The following GPATCH3 variants were observed in gnomAD, a reference collection of about 807,000 sequenced individuals.
GPATCH3 encodes the protein G patch domain-containing protein 3.
GPATCH3 carries 45 observed loss-of-function variants against 53.2 expected under a neutral mutation model. The observed-to-expected ratio is 0.85, with a 90% CI of 0.67 to 1.08. GPATCH3 has a LOEUF of 1.08. Ranked by LOEUF, GPATCH3 falls within the 50% of genes least tolerant of loss-of-function variation. GPATCH3 has a pLI of 0.00. For missense variants in GPATCH3, 680 were observed against 687.2 expected (o/e 0.99, Z 0.12); for synonymous variants, 280 against 270.6 (o/e 1.03, Z -0.34).
rs374969006 is a variant in GPATCH3, at chr1:26,900,000, T to A, written c.443A>T (p.Glu148Val). The change falls in exon 1 of 7, where the codon GAG becomes GTG. Residue 148 changes from glutamate (E) to valine (V), a missense_variant. Coordinates refer to ENST00000361720, the MANE Select transcript of GPATCH3 (RefSeq NM_022078.3). The stretch of plus-strand genomic sequence containing the variant: ...AACTTTCTCACTCTTACCTGATGCC[T>A]CCGTAGGTAGCCGAAGTCTGCGGAT... ...CLIRRLRLPT[E>V]ASGLGSFPFK... The A allele has an allele frequency of 3.1e-6, 5 of 1,613,970 alleles. No individual in the cohort carries two copies. The African/African-American group carries it at 6.7e-5, about 22-fold the overall frequency.
intron 4 of GPATCH3, 146 bp downstream of exon 4, chr1:26,893,243 G>T (rs2081936317): frequency 2.7e-6 from 2 of 738,162 alleles, no homozygotes; most frequent in Non-Finnish European, 5.0e-6. Flanking sequence ...CACAACCAAA[G>T]ATGTTTTAAG....
chr1:26,891,312 A>C (rs1304734505), intron 6 of GPATCH3, 86 bp from the exon 7 acceptor site: 5 of 1,012,678 alleles, frequency 4.9e-6, no homozygotes, highest in Non-Finnish European at 7.3e-6. Context: ...TAGTTACTAC[A>C]TATCTGGTTT....
intron 1 of GPATCH3, among the ~76,000 whole-genome samples, chr1:26,898,667 TC>T (rs1386781539): frequency 1.3e-5 from 2 of 151,368 alleles, no homozygotes; most frequent in African/African-American, 4.8e-5. Context: ...TTCTTTTTTT[TC>T]TTCTTTTTTT....
At chr1:26,893,286 C>T (rs952974749) in intron 4 of GPATCH3, 103 bp downstream of exon 4, 21 of 933,852 alleles carry the variant, frequency 2.2e-5, no homozygotes, top group East Asian at 7.2e-5. Flanking sequence ...CCCAAGGGAA[C>T]GGGAACGGTA....
At chr1:26,895,701 G>C (rs968184450) in intron 2 of GPATCH3, among the ~76,000 whole-genome samples, 4 of 147,492 alleles carry the variant, frequency 2.7e-5, no homozygotes, top group Non-Finnish European at 6.0e-5. Flanking sequence ...GCAGTGGTGC[G>C]ATCTCAGCTC....
Position 26,892,700 on chromosome 1 carries a change from G to A in GPATCH3, c.1203C>T (p.Arg401=). 1 of 1,614,178 alleles carries A rather than the reference G, an allele frequency of 6.2e-7. No homozygotes were observed. The highest frequency in any genetic ancestry group is 2.2e-5 in the East Asian group (1 of 44,884). Residue 401 remains arginine, a synonymous_variant, in exon 5 of 7, where the codon CGC becomes CGT. Transcript: ENST00000361720. Reference sequence around the variant, plus strand: ...TGTGGCGCTCAAAGGTGCCCACCTGGCGTTCGATCACAGAGCCATCTTCCT... The same window carrying A: ...TGTGGCGCTCAAAGGTGCCCACCTGACGTTCGATCACAGAGCCATCTTCCT... The part of the protein sequence containing the change: ...DGQEDGSVIE[R]QVGTFERHTK...
intron 2 of GPATCH3, among the ~76,000 whole-genome samples, chr1:26,896,534 A>G (rs866259493): frequency 9.0e-6 from 1 of 111,698 alleles, no homozygotes; most frequent in Non-Finnish European, 1.9e-5. Flanking sequence ...TACTAAAAAT[A>G]AAAAAAAAAA....
intron 2 of GPATCH3, 46 bp from the exon 3 acceptor site, chr1:26,894,456 G>T: frequency 6.3e-7 from 1 of 1,587,374 alleles, no homozygotes; most frequent in Non-Finnish European, 8.6e-7. Flanking sequence ...CTGACCTCAT[G>T]CCCCGAGGGA....
chr1:26,899,225 C>G (rs2081963965), intron 1 of GPATCH3, among the ~76,000 whole-genome samples: 1 of 152,194 alleles, frequency 6.6e-6, no homozygotes, highest in Non-Finnish European at 1.5e-5. Flanking sequence ...AGCTCTGACA[C>G]TAACTAACTC....
chr1:26,894,341 T>G lies in GPATCH3; in HGVS notation c.946A>C (p.Thr316Pro). ...TCCTCCTCAAAGAGCTGCTCAGTGG[T>G]CCGCTCCTGCCCGGTCACGTCCTCA... Reference protein sequence around the residue: ...LHEDVTGQERTTEQLFEEEIE... With the variant: ...LHEDVTGQERPTEQLFEEEIE... Residue 316 changes from threonine to proline, a missense_variant, in exon 3 of 7, where the codon ACC becomes CCC. Transcript: ENST00000361720. 1 of 1,614,004 alleles carries G rather than the reference T, an allele frequency of 6.2e-7. No individual in the cohort carries two copies. The highest frequency in any genetic ancestry group is 8.5e-7 in the Non-Finnish European group (1 of 1,179,988).
chr1:26,896,801 T>A (rs770108492), intron 2 of GPATCH3, among the ~76,000 whole-genome samples: 3 of 151,446 alleles, frequency 2.0e-5, no homozygotes, highest in Non-Finnish European at 4.4e-5. Context: ...GGCAGGCGGG[T>A]CACGAGGTCA....
intron 4 of GPATCH3, 99 bp from the exon 5 acceptor site, chr1:26,892,890 AAT>A: frequency 7.0e-7 from 1 of 1,435,878 alleles, no homozygotes; most frequent in Admixed American, 1.9e-5. Flanking sequence ...TATTCATTTT[AAT>A]AGTGTTCTGT....
Position 26,894,309 on chromosome 1 carries a change from C to G in GPATCH3, c.978G>C (p.Glu326Asp). Residue 326 changes from glutamate to aspartate, a missense_variant, in exon 3 of 7, where the codon GAG (glutamate) becomes GAC (aspartate). By Grantham distance (45) the Glu-to-Asp change is conservative (BLOSUM62 2). Transcript: ENST00000361720. ...TTEQLFEEEI[E>D]LKWEKGGSGL... ...CAGAGCCACCCTTCTCCCACTTGAG[C>G]TCAATCTCCTCCTCAAAGAGCTGCT... 1 of 1,614,180 alleles carries G rather than the reference C, an allele frequency of 6.2e-7. No individual in the cohort carries two copies. Among genetic ancestry groups the G allele is most frequent in the Non-Finnish European group, 8.5e-7 (1 of 1,180,030 alleles).
In GPATCH3 at chr1:26,892,413, C is replaced by G. The variant is rs948899107; in HGVS notation, c.1359G>C (p.Leu453Phe). 7 of 1,612,206 alleles carry G rather than the reference C, an allele frequency of 4.3e-6. No individual in the cohort carries two copies. The highest frequency in any genetic ancestry group is 5.9e-6 in the Non-Finnish European group (7 of 1,179,092). ...GGAAGTCCCTCAGTCACACTTACCC[C>G]AATCCACGCTTGCATCTGGGGTGTT... The part of the protein sequence containing the change: ...DGQHPRCKRG[L>F]GYHGEKLQPF... Residue 453 changes from leucine (L) to phenylalanine (F), a missense_variant and splice_region_variant, in exon 6 of 7, where the codon TTG becomes TTC. Transcript: ENST00000361720.
intron 6 of GPATCH3, 102 bp downstream of exon 6, chr1:26,892,309 C>T (rs866395847): frequency 1.0e-5 from 14 of 1,394,032 alleles, no homozygotes; most frequent in Admixed American, 3.8e-5. Context: ...AATTTCATCC[C>T]GCACGAGTAC....
chr1:26,898,121 G>A (rs1268930524), intron 1 of GPATCH3, among the ~76,000 whole-genome samples: 1 of 152,082 alleles, frequency 6.6e-6, no homozygotes, highest in Non-Finnish European at 1.5e-5. Context: ...GGGCGACAGA[G>A]TACCCTGTCT....
At position 26,900,090 on chromosome 1, in the gene GPATCH3, A is replaced by G. The variant is rs150933951; in HGVS notation, c.353T>C (p.Ile118Thr). The change falls in exon 1 of 7, where the codon ATT becomes ACT. Residue 118 changes from isoleucine (I) to threonine (T), a missense_variant. Transcript: ENST00000361720. ...VRGLAQAQRL[I>T]RMYSGRRWLD... ...CCACCGGCGGCCCGAGTACATGCGA[A>G]TAAGCCTCTGAGCTTGAGCCAACCC... The G allele has an allele frequency of 1.9e-6, 3 of 1,614,068 alleles. No individual in the cohort carries two copies. Among genetic ancestry groups the G allele is most frequent in the African/African-American group, 2.7e-5 (2 of 74,936 alleles).
At chr1:26,897,235 T>C in intron 2 of GPATCH3, 66 bp downstream of exon 2, 3 of 1,446,854 alleles carry the variant, frequency 2.1e-6, no homozygotes, top group Non-Finnish European at 2.9e-6. Flanking sequence ...AATTGAAGAG[T>C]GGTATTATTA....
At chr1:26,893,357 C>T in intron 4 of GPATCH3, 32 bp downstream of exon 4, 1 of 1,560,692 alleles carries the variant, frequency 6.4e-7, no homozygotes, top group Non-Finnish European at 8.8e-7. Context: ...GCACCTGTTT[C>T]ACCTCCAGTA....
Sources: allele counts gnomAD v4.1 joint callset (sites outside exome capture counted in the v4.1 genomes callset), GRCh38; gene constraint gnomAD v4.1.1; transcripts MANE v1.5; gene names NCBI Gene and HGNC (gene_info 2026-07-23, HGNC 2026-07-21).